The following UPF3B variants were observed in gnomAD, a reference collection of about 807,000 sequenced individuals.
UPF3B encodes the protein regulator of nonsense transcripts 3B.
UPF3B carries 7 observed loss-of-function variants against 40.3 expected under a neutral mutation model. The ratio of observed to expected loss-of-function variants is 0.17; its 90% confidence interval spans 0.10 to 0.33. The LOEUF (loss-of-function observed/expected upper bound fraction) is 0.33. Ranked by LOEUF, UPF3B falls within the 10% of genes least tolerant of loss-of-function variation. The pLI is 1.00. For synonymous variants in UPF3B, 117 were observed against 117.3 expected (o/e 1.00, Z 0.01); for missense variants, 229 against 358.9 (o/e 0.64, Z 2.93).
At position 119,822,391 on chromosome X, in the gene UPF3B, GCT is replaced by G. The variant is rs1179577084; in HGVS notation, c.494+549_494+550del. Among the ~76,000 whole-genome samples the G allele has an allele frequency of 2.7e-5, 3 of 112,843 alleles. No individual in the cohort carries two copies. In the East Asian group the frequency reaches 8.3e-4, roughly 31 times the overall value. On this transcript the variant is annotated intron_variant, in intron 4 of 6. Coordinates refer to the UPF3B transcript ENST00000636792. ...ACAACAGCTTTTGATTTTAAAACCA[GCT>G]CTTACTTTTCTCTCGTGTCACACGT... is the stretch of plus-strand genomic sequence containing the variant.
chrX:119,837,615 CAAAAAAA>C, intron 10 of UPF3B, 135 bp downstream of exon 10: 2 of 402,232 alleles, frequency 5.0e-6, no homozygotes, highest in African/African-American at 4.1e-5. Flanking sequence ...GACTCTGTCT[CAAAAAAA>C]AAAAAAAAAA....
At position 119,838,502 on chromosome X, in the gene UPF3B, T is replaced by C; in HGVS notation, c.872A>G (p.Asp291Gly). The change falls in exon 9 of 11, where the codon GAT becomes GGT. Residue 291 changes from aspartate (D) to glycine (G), a missense_variant. By Grantham distance (94) the Asp-to-Gly change is moderately conservative. Transcript: ENST00000276201. ...TTCTCTTTTGTCCAATTCTTTTTCATCTCCTTTTTCTGGCTTCTTGAGCAG... is the reference window on the plus strand; with the variant it reads ...TTCTCTTTTGTCCAATTCTTTTTCACCTCCTTTTTCTGGCTTCTTGAGCAG... ...KNLLKKPEKG[D>G]EKELDKREKA... 8.3e-7 allele frequency: 1 copy of C among 1,211,223 alleles called. No individual in the cohort carries two copies. The highest frequency in any genetic ancestry group is 2.3e-4 in the Middle Eastern group (1 of 4,350).
chrX:119,841,806 C>T, intron 5 of UPF3B, 28 bp from the exon 6 acceptor site: 1 of 1,159,060 alleles, frequency 8.6e-7, no homozygotes, highest in Non-Finnish European at 1.2e-6. Flanking sequence ...GATTATTAAT[C>T]ATACTTATCA....
chrX:119,822,538 G>C (rs960048270), intron 4 of UPF3B, among the ~76,000 whole-genome samples: 1 of 112,205 alleles, frequency 8.9e-6, no homozygotes, highest in African/African-American at 3.2e-5. Flanking sequence ...TTCCAATTCT[G>C]AACCTCCGAC....
chrX:119,821,580 G>A (rs2055919714), intron 4 of UPF3B, among the ~76,000 whole-genome samples: 1 of 112,061 alleles, frequency 8.9e-6, no homozygotes, highest in Non-Finnish European at 1.9e-5. Context: ...GGTGGATCAC[G>A]AGGTCAGGAG....
At position 119,823,632 on chromosome X, in the gene UPF3B, C is replaced by T. The variant is rs193201636; in HGVS notation, c.393-589G>A. Among the ~76,000 whole-genome samples the T allele has an allele frequency of 6.2e-4, 59 of 94,975 alleles. No individual in the cohort carries two copies. The East Asian group carries it at 0.016, about 25-fold the overall frequency. 82.5% of individuals were successfully genotyped at this position (94,975 alleles called of 115,157 possible). A position where few individuals can be genotyped will look rare whatever the true frequency, so the allele number is the denominator to read the frequency against. ...AGACTGGAGTACAGTGGTGTGATCT[C>T]GGCTCACTGCAACTTCTGCCTCCCC... On this transcript the variant is annotated intron_variant, in intron 3 of 6. Transcript: ENST00000636792.
chrX:119,809,202 T>G (rs949952052), intron 5 of UPF3B, among the ~76,000 whole-genome samples: 1 of 110,500 alleles, frequency 9.0e-6, no homozygotes, highest in Non-Finnish European at 1.9e-5. Flanking sequence ...TTTAAGACCA[T>G]CAGATCTGGT....
rs1401201519 is a variant in UPF3B at position 119,841,879 on chromosome X, T to TG, written c.581-102_581-101insC. The TG allele has an allele frequency of 6.4e-6, 4 of 625,259 alleles. No homozygotes were observed. In the African/African-American group the frequency reaches 8.8e-5, roughly 14 times the overall value. The allele number at this position is 625,259 out of a possible 1,213,427, so 51.5% of individuals were successfully genotyped here. A position where few individuals can be genotyped will look rare whatever the true frequency, so the allele number is the denominator to read the frequency against. On this transcript the variant is annotated intron_variant, in intron 5 of 10. Transcript: ENST00000276201. ...CAACCACCCAAGGTGGGAAAACATG[T>TG]ACACCCCTTATGCAGAAAGATCACA...
downstream of UPF3B, among the ~76,000 whole-genome samples, chrX:119,833,317 GTTTATA>G (rs1386701743): frequency 4.5e-5 from 5 of 112,012 alleles, no homozygotes; most frequent in South Asian, 1.8e-3. Flanking sequence ...GTTTCTAACA[GTTTATA>G]TTTATTTTTA....
intron 3 of UPF3B, among the ~76,000 whole-genome samples, chrX:119,851,278 C>A (rs1341343558): frequency 9.0e-6 from 1 of 111,639 alleles, no homozygotes; most frequent in African/African-American, 3.3e-5. Flanking sequence ...ATGTGTCACA[C>A]GAGGAGAAAA....
intron 1 of UPF3B, 117 bp from the exon 2 acceptor site, chrX:119,851,990 C>T (rs2056309952): frequency 1.9e-6 from 1 of 521,475 alleles, no homozygotes; most frequent in Non-Finnish European, 3.3e-6. Flanking sequence ...TTGTAAAAAC[C>T]CAGGAGAAAA....
chrX:119,843,366 T>C, intron 4 of UPF3B, 65 bp from the exon 5 acceptor site: 1 of 781,748 alleles, frequency 1.3e-6, no homozygotes, highest in Non-Finnish European at 1.9e-6. Flanking sequence ...AGACATTATC[T>C]ACAATACTGA....
intron 4 of UPF3B, among the ~76,000 whole-genome samples, chrX:119,817,405 G>T (rs2496197): frequency 0.054 from 6,019 of 111,706 alleles, 348 homozygotes; most frequent in African/African-American, 0.18. Flanking sequence ...AAACTGCCTT[G>T]TTTAAAACCA....
Position 119,841,054 on chromosome X carries a change from G to T in UPF3B, c.807+22C>A, listed in dbSNP as rs765848972. The T allele has an allele frequency of 5.8e-6, 7 of 1,205,518 alleles. No homozygotes were observed. In the African/African-American group the frequency reaches 1.0e-4, roughly 18 times the overall value. On this transcript the variant is annotated intron_variant, in intron 7 of 10. Coordinates refer to ENST00000276201, the MANE Select transcript of UPF3B (RefSeq NM_080632.3). ...TACGTGCAATTTTTAGCAACATGCA[G>T]TCAGTTTCAACATTCTTATACCTTA...
chrX:119,842,580 T>TCACACACACA (rs773370806), intron 5 of UPF3B, among the ~76,000 whole-genome samples: 113 of 71,370 alleles, frequency 1.6e-3, no homozygotes, highest in African/African-American at 5.3e-3. Flanking sequence ...ACTCCATCTC[T>TCACACACACA]CACACACACA....
At chrX:119,813,585 G>A (rs909152117) in intron 5 of UPF3B, among the ~76,000 whole-genome samples, 1 of 91,442 alleles carries the variant, frequency 1.1e-5, no homozygotes, top group African/African-American at 4.1e-5. Flanking sequence ...TTTTTGAGAT[G>A]GAGTCTCGCT....
At chrX:119,826,016 C>A (rs2055974841) in intron 3 of UPF3B, among the ~76,000 whole-genome samples, 1 of 111,075 alleles carries the variant, frequency 9.0e-6, no homozygotes, top group Non-Finnish European at 1.9e-5. Context: ...CAAAAATTAG[C>A]CATTCATGGT....
In UPF3B at chrX:119,845,182, T is replaced by C; in HGVS notation, c.469+16A>G. 8.6e-7 allele frequency: 1 copy of C among 1,158,082 alleles called. No individual in the cohort carries two copies. The highest frequency in any genetic ancestry group is 1.2e-6 in the Non-Finnish European group (1 of 847,647). ...CCCCACAGCAATAGCATTATATAAT[T>C]AGAGCTATACTGTACCATCATCGAT... On this transcript the variant is annotated intron_variant, in intron 4 of 10. Coordinates refer to ENST00000276201, the MANE Select transcript of UPF3B (RefSeq NM_080632.3).
chrX:119,837,702 A>C, intron 10 of UPF3B, 55 bp downstream of exon 10: 1 of 1,163,291 alleles, frequency 8.6e-7, no homozygotes, highest in Admixed American at 2.2e-5. Flanking sequence ...CTTTCTTTAC[A>C]CTTGCAGGAA....
Sources: allele counts gnomAD v4.1 joint callset (sites outside exome capture counted in the v4.1 genomes callset), GRCh38; gene constraint gnomAD v4.1.1; transcripts MANE v1.5; gene names NCBI Gene and HGNC (gene_info 2026-07-23, HGNC 2026-07-21).